RBFOX1: variants seen among roughly 807,000 people sequenced by gnomAD.
The protein encoded by RBFOX1 is RNA binding protein fox-1 homolog 1.
Under a neutral mutation model 57.7 loss-of-function variants are expected in RBFOX1, and 8 were observed. The observed-to-expected ratio is 0.14, with a 90% CI of 0.08 to 0.25. RBFOX1 has a LOEUF of 0.25. RBFOX1 is among the 10% of genes least tolerant of loss of function. The probability of loss-of-function intolerance (pLI) is 1.00; values close to 1 mark genes in which losing one functional copy is unlikely to be tolerated. For missense variants in RBFOX1, 611 were observed against 548.5 expected (o/e 1.11, Z -1.14); for synonymous variants, 326 against 222.4 (o/e 1.47, Z -4.15).
At chr16:6,898,978 GTA>G (rs1222423139) in intron 3 of RBFOX1, among the ~76,000 whole-genome samples, 3 of 150,444 alleles carry the variant, frequency 2.0e-5, no homozygotes, top group Non-Finnish European at 4.4e-5. Flanking sequence ...TATGATGTGT[GTA>G]TGTGTGCATA....
chr16:7,021,411 A>T (rs889664021), intron 3 of RBFOX1, among the ~76,000 whole-genome samples: 2 of 144,448 alleles, frequency 1.4e-5, no homozygotes, highest in Admixed American at 6.9e-5. Flanking sequence ...TGTTTTATGT[A>T]TGTTTTTTAT....
intron 3 of RBFOX1, among the ~76,000 whole-genome samples, chr16:6,930,632 G>T (rs1313802022): frequency 6.6e-6 from 1 of 152,012 alleles, no homozygotes; most frequent in Admixed American, 6.6e-5. Context: ...CTGGTCTTGA[G>T]CTCCTCACCT....
At chr16:6,016,353 G>T (rs1469752603), upstream of RBFOX1, among the ~76,000 whole-genome samples, 1 of 152,186 alleles carries the variant, frequency 6.6e-6, no homozygotes, top group East Asian at 1.9e-4. Context: ...CAGGAAAAGA[G>T]AGTATGTAAG....
chr16:6,859,550 C>T (rs1458337570), intron 3 of RBFOX1, among the ~76,000 whole-genome samples: 3 of 152,046 alleles, frequency 2.0e-5, no homozygotes, highest in South Asian at 4.2e-4. Flanking sequence ...TTTATGCTGC[C>T]TGTGGAAATC....
At chr16:6,521,564 T>C (rs1056414431) in intron 2 of RBFOX1, among the ~76,000 whole-genome samples, 2 of 148,174 alleles carry the variant, frequency 1.3e-5, no homozygotes, top group African/African-American at 5.2e-5. Context: ...CTCGCTCTCT[T>C]TGTCTTTCTC....
intron 1 of RBFOX1, among the ~76,000 whole-genome samples, chr16:6,314,649 A>G (rs939911572): frequency 2.7e-5 from 4 of 147,624 alleles, no homozygotes; most frequent in African/African-American, 9.8e-5. Flanking sequence ...AGATGGAGGA[A>G]GTGACAGGAA....
At chr16:7,493,481 A>G (rs897306583) in intron 4 of RBFOX1, among the ~76,000 whole-genome samples, 4 of 152,212 alleles carry the variant, frequency 2.6e-5, no homozygotes, top group Admixed American at 6.5e-5. Flanking sequence ...TTAAGTAAGG[A>G]GAATTATTTC....
At chr16:6,563,767 A>C (rs2097216430) in intron 2 of RBFOX1, among the ~76,000 whole-genome samples, 1 of 152,048 alleles carries the variant, frequency 6.6e-6, no homozygotes, top group South Asian at 2.1e-4. Flanking sequence ...TGGAGGTTGC[A>C]GTGAGCTGAG....
At chr16:5,822,744 G>T (rs1200435437) in intron 3 of RBFOX1, among the ~76,000 whole-genome samples, 1 of 152,190 alleles carries the variant, frequency 6.6e-6, no homozygotes, top group Non-Finnish European at 1.5e-5. Flanking sequence ...CCTGGAGTGT[G>T]CAAGTTGGAA....
chr16:6,286,236 C>T (rs1320994820), intron 1 of RBFOX1, among the ~76,000 whole-genome samples: 1 of 152,106 alleles, frequency 6.6e-6, no homozygotes, highest in Non-Finnish European at 1.5e-5. Context: ...TTCTCTTCTC[C>T]AAAGGGCTCT....
At chr16:5,736,905 G>A (rs781781320) in intron 3 of RBFOX1, among the ~76,000 whole-genome samples, 94 of 112,080 alleles carry the variant, frequency 8.4e-4, no homozygotes, top group African/African-American at 2.3e-3. Context: ...CTCCCCCTCC[G>A]TCTCTCTCCC....
At chr16:7,378,687 AG>A (rs1424574986) in intron 4 of RBFOX1, among the ~76,000 whole-genome samples, 1 of 152,038 alleles carries the variant, frequency 6.6e-6, no homozygotes, top group African/African-American at 2.4e-5. Flanking sequence ...TTTATTTCCC[AG>A]GCACTTCCTT....
chr16:5,885,711 G>T (rs2057881505), intron 4 of RBFOX1, among the ~76,000 whole-genome samples: 1 of 152,150 alleles, frequency 6.6e-6, no homozygotes, highest in Non-Finnish European at 1.5e-5. Flanking sequence ...AATACGTTCT[G>T]CTTTCTCATC....
At position 6,890,485 on chromosome 16, in the gene RBFOX1, C is replaced by G. The variant is rs192044483; in HGVS notation, c.-15-161572C>G. ...GGTGAACTGAGATAGCACCATGGCA[C>G]TCCAGCCTGGGCAACAGAGCGAGAC... On this transcript the variant is annotated intron_variant, in intron 3 of 15. Coordinates refer to ENST00000550418, the MANE Select transcript of RBFOX1 (RefSeq NM_018723.4). Among the ~76,000 whole-genome samples the G allele has an allele frequency of 3.8e-4, 58 of 152,122 alleles. 1 individual carries two copies. Among genetic ancestry groups the G allele is most frequent in the African/African-American group, 1.4e-3 (58 of 41,512 alleles).
chr16:7,583,693 C>G (rs1451363308), intron 6 of RBFOX1, among the ~76,000 whole-genome samples: 1 of 152,088 alleles, frequency 6.6e-6, no homozygotes, highest in African/African-American at 2.4e-5. Flanking sequence ...TACAGACCCT[C>G]TTGGCCAGGC....
chr16:7,368,594 C>G (rs577742304), intron 4 of RBFOX1, among the ~76,000 whole-genome samples: 124 of 151,798 alleles, frequency 8.2e-4, no homozygotes, highest in Non-Finnish European at 1.6e-3. Flanking sequence ...CTGGCTAACA[C>G]GGTGAAACCC....
intron 4 of RBFOX1, among the ~76,000 whole-genome samples, chr16:5,893,597 A>C (rs973519373): frequency 6.6e-6 from 1 of 152,174 alleles, no homozygotes; most frequent in Non-Finnish European, 1.5e-5. Context: ...ACCTGAGGTC[A>C]GGGGTTCGAG....
intron 4 of RBFOX1, among the ~76,000 whole-genome samples, chr16:5,963,770 A>G (rs1460908257): frequency 6.6e-6 from 1 of 152,218 alleles, no homozygotes; most frequent in Non-Finnish European, 1.5e-5. Flanking sequence ...AAATGGATTA[A>G]ATGCTTAAAC....
At chr16:6,661,139 T>C (rs1440929478) in intron 3 of RBFOX1, among the ~76,000 whole-genome samples, 1 of 152,204 alleles carries the variant, frequency 6.6e-6, no homozygotes, top group Non-Finnish European at 1.5e-5. Context: ...TCTAAGCCAA[T>C]CTGAATTTTC....
Sources: allele counts gnomAD v4.1 joint callset (sites outside exome capture counted in the v4.1 genomes callset), GRCh38; gene constraint gnomAD v4.1.1; transcripts MANE v1.5; gene names NCBI Gene and HGNC (gene_info 2026-07-23, HGNC 2026-07-21).